The following TMTC2 variants were observed in gnomAD, a reference collection of about 807,000 sequenced individuals.
TMTC2 encodes the protein transmembrane O-mannosyltransferase targeting cadherins 2.
In TMTC2, 43 loss-of-function variants were observed where a neutral mutation model predicts 82.4. The observed-to-expected ratio is 0.52, with a 90% CI of 0.41 to 0.67. The LOEUF is 0.67. Among genes scored for constraint, TMTC2 ranks in the 30% least tolerant of loss-of-function variants. TMTC2 has a pLI of 0.00. For missense variants in TMTC2, 919 were observed against 1,012.4 expected (o/e 0.91, Z 1.25); for synonymous variants, 408 against 381.9 (o/e 1.07, Z -0.80).
At chr12:83,025,014 A>G (rs1035116639) in intron 8 of TMTC2, among the ~76,000 whole-genome samples, 10 of 152,254 alleles carry the variant, frequency 6.6e-5, no homozygotes, top group African/African-American at 2.4e-4. Context: ...CAACATGGTG[A>G]AACCCCGTGT....
intron 4 of TMTC2, among the ~76,000 whole-genome samples, chr12:82,932,800 C>A (rs1035339176): frequency 7.9e-5 from 12 of 152,104 alleles, no homozygotes; most frequent in Non-Finnish European, 1.5e-4. Context: ...ATCCAATAGT[C>A]CCTGGTTAAA....
chr12:83,101,569 T>G (rs545705890), intron 11 of TMTC2, among the ~76,000 whole-genome samples: 1 of 152,306 alleles, frequency 6.6e-6, no homozygotes, highest in Non-Finnish European at 1.5e-5. Flanking sequence ...CACCAATGTT[T>G]ATCAAAATGA....
chr12:82,866,557 C>T (rs1871875560), intron 2 of TMTC2, among the ~76,000 whole-genome samples: 1 of 152,142 alleles, frequency 6.6e-6, no homozygotes, highest in Non-Finnish European at 1.5e-5. Flanking sequence ...ATTCTCATAA[C>T]ACTGTGTCTG....
intron 1 of TMTC2, among the ~76,000 whole-genome samples, chr12:82,719,085 A>ATATATATATAT (rs1282211374): frequency 2.9e-4 from 12 of 41,412 alleles, no homozygotes; most frequent in African/African-American, 1.3e-3. Context: ...ATATATATAT[A>ATATATATATAT]TTTTTTTTTT....
chr12:82,819,692 G>A (rs548138820), intron 1 of TMTC2, among the ~76,000 whole-genome samples: 4 of 151,544 alleles, frequency 2.6e-5, no homozygotes, highest in Admixed American at 6.6e-5. Context: ...TAGTAGAGAC[G>A]GGGTTTCACC....
At chr12:83,087,001 G>C (rs1411892944) in intron 11 of TMTC2, among the ~76,000 whole-genome samples, 1 of 152,192 alleles carries the variant, frequency 6.6e-6, no homozygotes, top group African/African-American at 2.4e-5. Flanking sequence ...TCTGTAGCAT[G>C]CAATGCTGTT....
intron 1 of TMTC2, among the ~76,000 whole-genome samples, chr12:82,851,051 G>A (rs756421552): frequency 6.6e-6 from 1 of 152,002 alleles, no homozygotes; most frequent in Non-Finnish European, 1.5e-5. Context: ...GTGACAGAGC[G>A]AGACTCCATC....
chr12:82,872,178 T>G (rs1287644148), intron 2 of TMTC2, among the ~76,000 whole-genome samples: 1 of 152,148 alleles, frequency 6.6e-6, no homozygotes, highest in Non-Finnish European at 1.5e-5. Context: ...CTGGATAGTC[T>G]TTTTCTTTGG....
Position 82,836,358 on chromosome 12 carries a change from T to C in TMTC2, c.84-20652T>C, listed in dbSNP as rs147728082. Among the ~76,000 whole-genome samples, 51 of 152,304 alleles carry C rather than the reference T, an allele frequency of 3.3e-4. No homozygotes were observed. The East Asian group carries it at 9.1e-3, about 27-fold the overall frequency. On this transcript the variant is annotated intron_variant, in intron 1 of 11. Coordinates refer to ENST00000321196, the MANE Select transcript of TMTC2 (RefSeq NM_152588.3). ...TAAAATTGAATATTATCCTGGATTA[T>C]CTGGTTGGACCCAGTGCATTCACAA...
chr12:82,961,994 T>C (rs1877960466), intron 4 of TMTC2, among the ~76,000 whole-genome samples: 1 of 152,056 alleles, frequency 6.6e-6, no homozygotes, highest in Non-Finnish European at 1.5e-5. Flanking sequence ...GACGATGATA[T>C]TCTAATTCAA....
At chr12:83,099,023 T>C (rs1223697196) in intron 11 of TMTC2, among the ~76,000 whole-genome samples, 1 of 152,212 alleles carries the variant, frequency 6.6e-6, no homozygotes, top group Non-Finnish European at 1.5e-5. Flanking sequence ...TTTAATGAAA[T>C]ACTAGGCTGC....
intron 1 of TMTC2, among the ~76,000 whole-genome samples, chr12:82,706,512 T>C (rs1321970399): frequency 3.3e-5 from 5 of 152,018 alleles, no homozygotes; most frequent in African/African-American, 1.2e-4. Context: ...ATTTAAACAA[T>C]TGTCTGAAGT....
chr12:82,802,895 A>G (rs1489356161), intron 1 of TMTC2, among the ~76,000 whole-genome samples: 1 of 152,162 alleles, frequency 6.6e-6, no homozygotes, highest in East Asian at 1.9e-4. Context: ...GGCGATGGAG[A>G]CACATTCAAG....
intron 11 of TMTC2, among the ~76,000 whole-genome samples, chr12:83,073,704 G>A (rs934393487): frequency 6.6e-6 from 1 of 151,604 alleles, no homozygotes; most frequent in Non-Finnish European, 1.5e-5. Flanking sequence ...TCTTTGATTG[G>A]GTTAATTTGA....
Position 83,101,733 on chromosome 12 carries a change from A to ATC in TMTC2, c.2332-30473_2332-30472dup, listed in dbSNP as rs1565888480. On this transcript the variant is annotated intron_variant, in intron 11 of 11. Coordinates refer to ENST00000321196, the MANE Select transcript of TMTC2 (RefSeq NM_152588.3). Reference sequence around the variant, plus strand: ...TAACTTTATTCTTCAGGGTCCAGAGATCTCTGGATCAATATGGGGATCAGT... The same window carrying ATC: ...TAACTTTATTCTTCAGGGTCCAGAGATCTCTCTGGATCAATATGGGGATCAGT... 1.4e-4 allele frequency among the ~76,000 whole-genome samples: 21 copies of ATC among 152,152 alleles called. No homozygotes were observed. The East Asian group carries it at 3.7e-3, about 27-fold the overall frequency.
intron 1 of TMTC2, among the ~76,000 whole-genome samples, chr12:82,824,895 C>T (rs1385070353): frequency 6.6e-6 from 1 of 152,030 alleles, no homozygotes; most frequent in Non-Finnish European, 1.5e-5. Flanking sequence ...TCGAGATGAG[C>T]TTGGCCAACA....
chr12:82,785,388 A>G (rs1878133156), intron 1 of TMTC2, among the ~76,000 whole-genome samples: 1 of 147,996 alleles, frequency 6.8e-6, no homozygotes, highest in Non-Finnish European at 1.5e-5. Context: ...CACAAAAGAA[A>G]CAAATAACAA....
chr12:82,904,706 C>T (rs984854254), intron 3 of TMTC2, among the ~76,000 whole-genome samples: 3 of 152,166 alleles, frequency 2.0e-5, no homozygotes, highest in Non-Finnish European at 1.5e-5. Context: ...TAAAGCAACT[C>T]ATTTTTAAAG....
At position 82,857,362 on chromosome 12, in the gene TMTC2, C is replaced by G; in HGVS notation, c.436C>G (p.Leu146Val). ...GGGACGAGCCGATGTCGGGGCCAGT[C>G]TCTTCTTTCTCCTCTCCTTGCTCTG... ...IVGRADVGASLFFLLSLLCYI... is the reference protein window; with the variant it reads ...IVGRADVGASVFFLLSLLCYI... The change falls in exon 2 of 12, where the codon CTC becomes GTC. Residue 146 changes from leucine (L) to valine (V), a missense_variant. Leu to Val is a conservative substitution (Grantham distance 32). Transcript: ENST00000321196. 2 of 1,614,166 alleles carry G rather than the reference C, an allele frequency of 1.2e-6. No individual in the cohort carries two copies. The highest frequency in any genetic ancestry group is 1.7e-5 in the Admixed American group (1 of 60,024).
Sources: gnomAD v4.1 joint callset for allele counts (sites outside exome capture counted in the v4.1 genomes callset) on GRCh38, gnomAD v4.1.1 for gene constraint, MANE v1.5 for transcripts, NCBI Gene and HGNC (gene_info 2026-07-23, HGNC 2026-07-21) for gene names.